IL7: variants seen among roughly 807,000 people sequenced by gnomAD.
IL7 encodes the protein interleukin 7.
In IL7, 3 loss-of-function variants were observed where a neutral mutation model predicts 21.6. The observed-to-expected ratio is 0.14, with a 90% confidence interval of 0.06 to 0.36. The LOEUF is 0.36. IL7 is among the 10% of genes least tolerant of loss of function. The pLI is 1.00. For synonymous variants in IL7, 62 were observed against 68.1 expected, an observed-to-expected ratio of 0.91 and a Z score of 0.44; for missense variants, 175 against 200.2, an observed-to-expected ratio of 0.87 and a Z score of 0.76.
downstream of IL7, among the ~76,000 whole-genome samples, chr8:78,716,537 A>T (rs1811111142): frequency 6.6e-6 from 1 of 152,196 alleles, no homozygotes; most frequent in African/African-American, 2.4e-5. Context: ...TAAAATAAAT[A>T]CTAGAAGCAT....
chr8:78,724,364 A>C (rs1027708768), intron 3 of IL7, among the ~76,000 whole-genome samples: 4 of 152,038 alleles, frequency 2.6e-5, no homozygotes, highest in African/African-American at 7.2e-5. Flanking sequence ...GTATATCTAC[A>C]TATGTATGAA....
At chr8:78,765,116 C>T (rs923034853) in intron 2 of IL7, among the ~76,000 whole-genome samples, 2 of 152,038 alleles carry the variant, frequency 1.3e-5, no homozygotes, top group Non-Finnish European at 2.9e-5. Flanking sequence ...GACAACTGGA[C>T]ATTCACATCC....
chr8:78,760,111 A>C, intron 2 of IL7: 1 of 1,492,464 alleles, frequency 6.7e-7, no homozygotes, highest in Non-Finnish European at 8.9e-7. Flanking sequence ...TCCAAATATC[A>C]AATATAAGAA....
In IL7 at chr8:78,756,979, G is replaced by A. The variant is rs544897831; in HGVS notation, c.148-16897C>T. Among the ~76,000 whole-genome samples the A allele has an allele frequency of 2.6e-5, 4 of 151,810 alleles. No individual in the cohort carries two copies. In the South Asian group the frequency reaches 8.3e-4, roughly 32 times the overall value. On this transcript the variant is annotated intron_variant, in intron 2 of 5. Coordinates refer to ENST00000263851, the MANE Select transcript of IL7 (RefSeq NM_000880.4). ...CTAGTTCCTTGTGGTGCACTGTTAG[G>A]ATGTTTATTTGAAATCTTTCCACTT...
intron 3 of IL7, among the ~76,000 whole-genome samples, chr8:78,726,330 A>T (rs1287232245): frequency 6.6e-6 from 1 of 152,014 alleles, no homozygotes; most frequent in Non-Finnish European, 1.5e-5. Flanking sequence ...GTATTTCATG[A>T]AAAGGGTTAA....
chr8:78,696,017 T>C lies in IL7; in HGVS notation n.215-10070A>G, dbSNP rs183492049. ...TAAAATATGATTTGATTTTTGAAAA[T>C]GATAATTTAAAACCAATTTTTCTTT... On this transcript the variant is annotated intron_variant and non_coding_transcript_variant, in intron 3 of 4. Transcript: ENST00000523959. 1.7e-3 allele frequency among the ~76,000 whole-genome samples: 265 copies of C among 152,196 alleles called. 1 individual carries two copies. The highest frequency in any genetic ancestry group is 5.8e-3 in the African/African-American group (243 of 41,546).
chr8:78,795,704 G>A (rs976125225), intron 2 of IL7, among the ~76,000 whole-genome samples: 1 of 152,034 alleles, frequency 6.6e-6, no homozygotes, highest in Non-Finnish European at 1.5e-5. Context: ...AAAATTAAAT[G>A]AGAAATATTA....
chr8:78,690,632 TC>T (rs1810179825), intron 3 of IL7, among the ~76,000 whole-genome samples: 1 of 152,102 alleles, frequency 6.6e-6, no homozygotes, highest in African/African-American at 2.4e-5. Flanking sequence ...CTTGTCAACA[TC>T]TACAAAAAAT....
At chr8:78,754,923 G>A (rs1035545184) in intron 2 of IL7, among the ~76,000 whole-genome samples, 1 of 152,020 alleles carries the variant, frequency 6.6e-6, no homozygotes, top group Admixed American at 6.6e-5. Context: ...ATGTTCTGAA[G>A]CATTTCTCCT....
rs372721773 is a variant in IL7 at position 78,702,709 on chromosome 8, ATTAT to A, written n.215-16766_215-16763del. 2.6e-3 allele frequency among the ~76,000 whole-genome samples: 403 copies of A among 152,160 alleles called. 3 individuals are homozygous for A. Among genetic ancestry groups the A allele is most frequent in the African/African-American group, 9.1e-3 (376 of 41,518 alleles). ...ACTTCCCGATTTCTGCGTTAATTTC[ATTAT>A]TTATCCAAAAATCATTCAGGAGAAG... On this transcript the variant is annotated intron_variant and non_coding_transcript_variant, in intron 3 of 4. Coordinates refer to the IL7 transcript ENST00000523959.
At chr8:78,678,709 A>G in intron 4 of IL7, 3 of 1,500,246 alleles carry the variant, frequency 2.0e-6, no homozygotes, top group Non-Finnish European at 2.7e-6. Context: ...AACAGTATGA[A>G]CTTTGGTGTT....
intron 4 of IL7, among the ~76,000 whole-genome samples, chr8:78,737,393 A>G (rs976074908): frequency 1.3e-5 from 2 of 152,166 alleles, no homozygotes; most frequent in Admixed American, 1.3e-4. Context: ...ATGGTAGACT[A>G]GAGTAGGAAG....
At chr8:78,778,423 G>A (rs942201562) in intron 2 of IL7, among the ~76,000 whole-genome samples, 1 of 152,008 alleles carries the variant, frequency 6.6e-6, no homozygotes, top group Admixed American at 6.6e-5. Context: ...GATTTGAGTT[G>A]ACAGATTACT....
rs191812928 is a variant in IL7 at position 78,787,479 on chromosome 8, G to T, written c.147+10593C>A. Among the ~76,000 whole-genome samples, 35 of 151,908 alleles carry T rather than the reference G, an allele frequency of 2.3e-4. No individual in the cohort carries two copies. In the East Asian group the frequency reaches 6.8e-3, roughly 29 times the overall value. ...TGTTGAGGGAGAGAATAAGAAAACT[G>T]TTTTTTTTCCCACAGATACTCTCTG... On this transcript the variant is annotated intron_variant, in intron 2 of 5. Coordinates refer to ENST00000263851, the MANE Select transcript of IL7 (RefSeq NM_000880.4).
chr8:78,708,483 G>T (rs1810851103), intron 3 of IL7, among the ~76,000 whole-genome samples: 1 of 150,892 alleles, frequency 6.6e-6, no homozygotes. Context: ...TTTGAGACTT[G>T]CCTGGGCAAC....
At chr8:78,777,548 G>C (rs1232357169) in intron 2 of IL7, among the ~76,000 whole-genome samples, 4 of 151,908 alleles carry the variant, frequency 2.6e-5, no homozygotes, top group African/African-American at 9.7e-5. Context: ...ATTCACTACT[G>C]CCTTTTATTT....
intron 3 of IL7, among the ~76,000 whole-genome samples, chr8:78,702,262 G>A (rs1313417599): frequency 2.0e-5 from 3 of 152,062 alleles, no homozygotes; most frequent in African/African-American, 7.2e-5. Context: ...GTGTATTGAG[G>A]TATTCATAAT....
At position 78,761,624 on chromosome 8, in the gene IL7, A is replaced by T. The variant is rs1011478529; in HGVS notation, c.148-21542T>A. ...TAGGTGCTCTTCCCCTGCTATGTCC[A>T]CTACATCGTCAGTGATAATGGAAAA... On this transcript the variant is annotated intron_variant, in intron 2 of 5. Transcript: ENST00000263851. 3.1e-6 allele frequency: 5 copies of T among 1,611,882 alleles called. No individual in the cohort carries two copies. In the Admixed American group the frequency reaches 8.3e-5, roughly 27 times the overall value.
chr8:78,794,647 T>G (rs1261046139), intron 2 of IL7, among the ~76,000 whole-genome samples: 1 of 152,096 alleles, frequency 6.6e-6, no homozygotes, highest in Non-Finnish European at 1.5e-5. Flanking sequence ...GATAACTTGC[T>G]GAAACTTCTA....
Sources: gnomAD v4.1 joint callset for allele counts (sites outside exome capture counted in the v4.1 genomes callset) on GRCh38, gnomAD v4.1.1 for gene constraint, MANE v1.5 for transcripts, NCBI Gene and HGNC (gene_info 2026-07-23, HGNC 2026-07-21) for gene names.